Variants in ZNF594 observed in about 807,000 individuals in gnomAD.
ZNF594 encodes the protein zinc finger protein 594.
For synonymous variants in ZNF594, 336 were observed against 309.4 expected (o/e 1.09, Z -0.90); for missense variants, 1,037 against 964.6 (o/e 1.08, Z -0.99).
At position 5,181,037 on chromosome 17, in the gene ZNF594, G is replaced by T; in HGVS notation, c.*796C>A. 9.8e-7 allele frequency: 1 copy of T among 1,017,332 alleles called. No individual in the cohort carries two copies. Among genetic ancestry groups the T allele is most frequent in the Non-Finnish European group, 1.5e-6 (1 of 656,182 alleles). The allele number at this position is 1,017,332 out of a possible 1,614,324, so 63.0% of individuals were successfully genotyped here. A position where few individuals can be genotyped will look rare whatever the true frequency, so the allele number is the denominator to read the frequency against. ...TAAGAAAAGCTGTCCACCCACTGAAGGCCTTACCACAGTTGCTACATTCAA... is the reference window on the plus strand; with the variant it reads ...TAAGAAAAGCTGTCCACCCACTGAATGCCTTACCACAGTTGCTACATTCAA... On this transcript the variant is annotated 3_prime_UTR_variant, in exon 2 of 2. Transcript: ENST00000575779.
At position 5,181,116 on chromosome 17, in the gene ZNF594, C is replaced by G; in HGVS notation, c.*717G>C. The stretch of plus-strand genomic sequence containing the variant: ...ATGACTGACAAGGTGTGAGTTCTGA[C>G]TGAAGGCCTTCCAACATTCAGGGCA... On this transcript the variant is annotated 3_prime_UTR_variant, in exon 2 of 2. Coordinates refer to ENST00000575779, the MANE Select transcript of ZNF594 (RefSeq NM_032530.2). 2 of 1,557,866 alleles carry G rather than the reference C, an allele frequency of 1.3e-6. No homozygotes were observed. Among genetic ancestry groups the G allele is most frequent in the Non-Finnish European group, 1.8e-6 (2 of 1,133,970 alleles).
chr17:5,182,434 C>A lies in ZNF594; in HGVS notation c.1823G>T (p.Ser608Ile), dbSNP rs1205943025. The A allele has an allele frequency of 6.2e-7, 1 of 1,613,670 alleles. No homozygotes were observed. Among genetic ancestry groups the A allele is most frequent in the Non-Finnish European group, 8.5e-7 (1 of 1,179,968 alleles). Residue 608 changes from serine (S) to isoleucine (I), a missense_variant, in exon 2 of 2, where the codon AGC (serine) becomes ATC (isoleucine). Transcript: ENST00000575779. ...CKECGKTFNQ[S>I]SDLLRHHRIH... ...TCTATGATGTCTCAGAAGGTCTGAG[C>A]TCTGATTGAAAGTTTTCCCACATTC...
At position 5,180,992 on chromosome 17, in the gene ZNF594, A is replaced by C; in HGVS notation, c.*841T>G. 1 of 746,968 alleles carries C rather than the reference A, an allele frequency of 1.3e-6. No homozygotes were observed. 46.3% of individuals were successfully genotyped at this position (746,968 alleles called of 1,614,324 possible). A position where few individuals can be genotyped will look rare whatever the true frequency, so the allele number is the denominator to read the frequency against. ...TCTTACAGTCTTCAAATTCCTTTCC[A>C]ATGTGAAGTTTCTGGTGCTTAAGAA... On this transcript the variant is annotated 3_prime_UTR_variant, in exon 2 of 2. Transcript: ENST00000575779.
chr17:5,179,829 G>C lies in ZNF594; in HGVS notation c.*2004C>G, dbSNP rs940023591. The C allele has an allele frequency of 6.6e-6, 1 of 152,114 alleles. No homozygotes were observed. 9.4% of individuals were successfully genotyped at this position (152,114 alleles called of 1,614,324 possible). The stretch of plus-strand genomic sequence containing the variant: ...CCTACATGGTGCCAGTCAGAAGCAT[G>C]ATTTGTGTTGTACATGCCTTTATGT... On this transcript the variant is annotated 3_prime_UTR_variant, in exon 2 of 2. Coordinates refer to ENST00000575779, the MANE Select transcript of ZNF594 (RefSeq NM_032530.2).
Position 5,182,642 on chromosome 17 carries a change from T to C in ZNF594, c.1615A>G (p.Thr539Ala), listed in dbSNP as rs758878116. 2.0e-5 allele frequency: 33 copies of C among 1,613,574 alleles called. No homozygotes were observed. Among genetic ancestry groups the C allele is most frequent in the Middle Eastern group, 1.6e-4 (1 of 6,076 alleles). Reference protein sequence around the residue: ...TAFLKHQSLHTGEKLECEKTF... With the variant: ...TAFLKHQSLHAGEKLECEKTF... The stretch of plus-strand genomic sequence containing the variant: ...TTCTCACATTCAAGTTTCTCTCCAG[T>C]ATGCAGGCTCTGATGTTTGAGGAAA... The change falls in exon 2 of 2, where the codon ACT (threonine) becomes GCT (alanine). Residue 539 changes from threonine to alanine, a missense_variant. Physicochemically the swap from Thr to Ala is moderately conservative, Grantham distance 58. Coordinates refer to ENST00000575779, the MANE Select transcript of ZNF594 (RefSeq NM_032530.2).
chr17:5,177,708 C>T (rs2074315666), downstream of ZNF594, among the ~76,000 whole-genome samples: 1 of 152,056 alleles, frequency 6.6e-6, no homozygotes, highest in Non-Finnish European at 1.5e-5. Context: ...TGGTGGCACG[C>T]ACCTGTAACT....
chr17:5,178,124 C>G (rs192011502), downstream of ZNF594, among the ~76,000 whole-genome samples: 88 of 147,766 alleles, frequency 6.0e-4, no homozygotes, highest in Non-Finnish European at 7.1e-4. Flanking sequence ...TGAACAGGAC[C>G]TTAGAAAAAA....
intron 1 of ZNF594, among the ~76,000 whole-genome samples, chr17:5,186,174 G>C (rs1269808146): frequency 1.3e-5 from 2 of 152,162 alleles, no homozygotes; most frequent in Non-Finnish European, 2.9e-5. Context: ...TGAGATCCCT[G>C]CCCCTGCAGC....
At position 5,189,243 on chromosome 17, in the gene ZNF594, G is replaced by A. The variant is rs570451833; in HGVS notation, c.-21+2505C>T. On this transcript the variant is annotated intron_variant, in intron 1 of 1. Coordinates refer to ENST00000575779, the MANE Select transcript of ZNF594 (RefSeq NM_032530.2). ...TTATAGGTGTGAGCCACTGTGCCAG[G>A]CCATTTTTTTTTCACTTTTTTTTTT... 4.6e-4 allele frequency among the ~76,000 whole-genome samples: 24 copies of A among 51,880 alleles called. No individual in the cohort carries two copies. In the South Asian group the frequency reaches 7.4e-3, roughly 16 times the overall value. 34.0% of individuals were successfully genotyped at this position (51,880 alleles called of 152,430 possible). A position where few individuals can be genotyped will look rare whatever the true frequency, so the allele number is the denominator to read the frequency against.
At chr17:5,175,332 T>C (rs932428185), downstream of ZNF594, among the ~76,000 whole-genome samples, 2 of 152,186 alleles carry the variant, frequency 1.3e-5, no homozygotes, top group Non-Finnish European at 2.9e-5. Flanking sequence ...AGAACCCTAT[T>C]GTGAACTGCG....
At position 5,181,403 on chromosome 17, in the gene ZNF594, T is replaced by G; in HGVS notation, c.*430A>C. The stretch of plus-strand genomic sequence containing the variant: ...TACCACACTGATTACACCAATAAGC[T>G]TTCTCTTCTTGGTGAATTTTCTGCT... On this transcript the variant is annotated 3_prime_UTR_variant, in exon 2 of 2. Coordinates refer to ENST00000575779, the MANE Select transcript of ZNF594 (RefSeq NM_032530.2). 1 of 1,613,190 alleles carries G rather than the reference T, an allele frequency of 6.2e-7. No homozygotes were observed. Among genetic ancestry groups the G allele is most frequent in the Non-Finnish European group, 8.5e-7 (1 of 1,179,204 alleles).
Position 5,183,259 on chromosome 17 carries a change from C to CTGA in ZNF594, c.995_997dup (p.Phe332_Ser333insIle), listed in dbSNP as rs781580576. On this transcript the variant is annotated inframe_insertion, in exon 2 of 2. Transcript: ENST00000575779. ...ATGTTTAAGAAAAGCTGTGCGCCCA[C>CTGA]TGAAGGTCTTCCCACATCTGTGACA... 6.2e-7 allele frequency: 1 copy of CTGA among 1,614,198 alleles called. No homozygotes were observed. The highest frequency in any genetic ancestry group is 2.2e-5 in the East Asian group (1 of 44,884).
downstream of ZNF594, among the ~76,000 whole-genome samples, chr17:5,177,154 C>T (rs1437288939): frequency 6.7e-6 from 1 of 150,364 alleles, no homozygotes; most frequent in South Asian, 2.1e-4. Context: ...CGAGATCGCA[C>T]CACTGCACTC....
chr17:5,182,889 T>G lies in ZNF594; in HGVS notation c.1368A>C (p.Gly456=). 1 of 1,614,112 alleles carries G rather than the reference T, an allele frequency of 6.2e-7. No homozygotes were observed. The highest frequency in any genetic ancestry group is 1.3e-5 in the African/African-American group (1 of 75,018). ...DLIRHHRVHT[G]EKPYECSECG... ...ATTCACTACATTCATAGGGTTTCTC[T>G]CCAGTATGAACACGATGGTGTCTAA... The change falls in exon 2 of 2, where the codon GGA becomes GGC. Residue 456 remains glycine, a synonymous_variant. Transcript: ENST00000575779.
intron 1 of ZNF594, among the ~76,000 whole-genome samples, chr17:5,190,023 G>A (rs887622781): frequency 2.0e-5 from 3 of 152,144 alleles, no homozygotes; most frequent in African/African-American, 7.2e-5. Flanking sequence ...GAGAAAACCA[G>A]TAACTAAAGA....
At chr17:5,174,728 T>C (rs996796562), downstream of ZNF594, 3 of 201,440 alleles carry the variant, frequency 1.5e-5, no homozygotes, top group Non-Finnish European at 3.1e-5. Flanking sequence ...ATACTGGTTG[T>C]AATTAATTTT....
chr17:5,186,237 G>C (rs1000264797), intron 1 of ZNF594, among the ~76,000 whole-genome samples: 1 of 152,228 alleles, frequency 6.6e-6, no homozygotes, highest in Non-Finnish European at 1.5e-5. Flanking sequence ...AAATCCAGGT[G>C]GAAGTTCCCA....
At position 5,183,999 on chromosome 17, in the gene ZNF594, A is replaced by G; in HGVS notation, c.258T>C (p.Asn86=). The G allele has an allele frequency of 1.2e-6, 2 of 1,614,120 alleles. No homozygotes were observed. Among genetic ancestry groups the G allele is most frequent in the Non-Finnish European group, 1.7e-6 (2 of 1,180,030 alleles). ...CTGCAGAAAGTATTTTTTCTCCTTC[A>G]TTACATCCATGGCCAATCTCTCCCA... is the stretch of plus-strand genomic sequence containing the variant. ...AIVGEIGHGC[N]EGEKILSAGE... is the part of the protein sequence containing the mutation. Residue 86 remains asparagine (N), a synonymous_variant, in exon 2 of 2, where the codon AAT becomes AAC. Transcript: ENST00000575779.
chr17:5,190,884 A>G (rs1248092037), intron 1 of ZNF594, among the ~76,000 whole-genome samples: 1 of 152,134 alleles, frequency 6.6e-6, no homozygotes, highest in Non-Finnish European at 1.5e-5. Context: ...AAGCTGCACC[A>G]GCAGCTCCTG....
Sources: allele counts gnomAD v4.1 joint callset (sites outside exome capture counted in the v4.1 genomes callset), GRCh38; gene constraint gnomAD v4.1.1; transcripts MANE v1.5; gene names NCBI Gene and HGNC (gene_info 2026-07-23, HGNC 2026-07-21).